Variants in PIP5K1A observed in about 807,000 individuals in gnomAD.
PIP5K1A encodes phosphatidylinositol 4-phosphate 5-kinase type-1 alpha.
In PIP5K1A, 46 loss-of-function variants were observed where a neutral mutation model predicts 72.9. The observed-to-expected ratio is 0.63, with a 90% CI of 0.50 to 0.81. The LOEUF (loss-of-function observed/expected upper bound fraction) is 0.81, where lower values mean the gene tolerates loss of function less well. Among genes scored for constraint, PIP5K1A ranks in the 30% least tolerant of loss-of-function variants. The probability of loss-of-function intolerance (pLI) is 0.00; values close to 1 mark genes in which losing one functional copy is unlikely to be tolerated. For synonymous variants in PIP5K1A, 228 were observed against 255.1 expected (o/e 0.89, Z 1.01); for missense variants, 458 against 706.1 (o/e 0.65, Z 3.98).
At chr1:151,242,600 TTATC>T in intron 14 of PIP5K1A, 33 bp downstream of exon 14, 1 of 1,586,808 alleles carries the variant, frequency 6.3e-7, no homozygotes, top group Non-Finnish European at 8.6e-7. Flanking sequence ...CCATATAATC[TTATC>T]TCTCTTTTCA....
At chr1:151,221,570 C>T (rs910277017) in intron 1 of PIP5K1A, among the ~76,000 whole-genome samples, 6 of 152,144 alleles carry the variant, frequency 3.9e-5, no homozygotes, top group Non-Finnish European at 7.4e-5. Flanking sequence ...TCTCAAGATT[C>T]TCAGACAAAA....
chr1:151,196,045 C>G (rs1684545829), upstream of PIP5K1A, among the ~76,000 whole-genome samples: 1 of 151,354 alleles, frequency 6.6e-6, no homozygotes, highest in African/African-American at 2.4e-5. Flanking sequence ...CTACAGGCGC[C>G]GGCCAACTCA....
At chr1:151,240,980 C>T (rs953170259) in intron 12 of PIP5K1A, among the ~76,000 whole-genome samples, 2 of 152,028 alleles carry the variant, frequency 1.3e-5, no homozygotes, top group East Asian at 1.9e-4. Context: ...GTCTAACCAA[C>T]GTGTTGAAAC....
intron 5 of PIP5K1A, 116 bp from the exon 6 acceptor site, chr1:151,232,132 G>C: frequency 1.4e-6 from 1 of 740,402 alleles, no homozygotes; most frequent in East Asian, 2.4e-5. Flanking sequence ...ATTATCTTAG[G>C]AGGAATGTAT....
At chr1:151,211,702 A>G (rs1405084315) in intron 1 of PIP5K1A, among the ~76,000 whole-genome samples, 1 of 150,592 alleles carries the variant, frequency 6.6e-6, no homozygotes, top group Non-Finnish European at 1.5e-5. Context: ...GCTGCTCGGG[A>G]GGCTGAGGCG....
At chr1:151,220,425 T>C (rs1570859582) in intron 1 of PIP5K1A, among the ~76,000 whole-genome samples, 1 of 152,260 alleles carries the variant, frequency 6.6e-6, no homozygotes, top group East Asian at 1.9e-4. Context: ...CAGATGCATG[T>C]GAAGTAGAGA....
chr1:151,248,154 A>C lies in PIP5K1A; in HGVS notation c.*289A>C. ...AACTGGCCAACCCTTTGCCTCCACT[A>C]TTGAATTTTTTTCAGACCCCCATTC... On this transcript the variant is annotated 3_prime_UTR_variant, in exon 16 of 16. Transcript: ENST00000368888. 1 of 456,784 alleles carries C rather than the reference A, an allele frequency of 2.2e-6. No homozygotes were observed. Among genetic ancestry groups the C allele is most frequent in the Non-Finnish European group, 3.9e-6 (1 of 254,488 alleles). 28.3% of individuals were successfully genotyped at this position (456,784 alleles called of 1,614,324 possible).
At position 151,232,534 on chromosome 1, in the gene PIP5K1A, T is replaced by G. The variant is rs764730684; in HGVS notation, c.487-17T>G. 2.5e-6 allele frequency: 4 copies of G among 1,592,384 alleles called. No individual in the cohort carries two copies. Among genetic ancestry groups the G allele is most frequent in the Non-Finnish European group, 3.4e-6 (4 of 1,171,020 alleles). On this transcript the variant is annotated splice_polypyrimidine_tract_variant and intron_variant, in intron 6 of 15. Transcript: ENST00000368888. ...CTGATGTGTCTAAATCTCTTAGTTC[T>G]TCTCTGTTTGCCCCAGTATTCCCTC...
intron 1 of PIP5K1A, among the ~76,000 whole-genome samples, chr1:151,221,196 A>G (rs1249267376): frequency 2.0e-5 from 3 of 152,220 alleles, no homozygotes; most frequent in African/African-American, 4.8e-5. Context: ...TTATACAAAC[A>G]TAAGTTGTTT....
chr1:151,246,868 TG>T, intron 14 of PIP5K1A, 51 bp from the exon 15 acceptor site: 1 of 1,357,242 alleles, frequency 7.4e-7, no homozygotes, highest in Non-Finnish European at 1.1e-6. Flanking sequence ...AGTCCTTTGT[TG>T]TTGTCTTCTA....
chr1:151,241,360 C>A (rs763088590), intron 12 of PIP5K1A, among the ~76,000 whole-genome samples: 6 of 150,950 alleles, frequency 4.0e-5, no homozygotes, highest in African/African-American at 1.5e-4. Flanking sequence ...AAAAATTAGC[C>A]GGGCATGGTG....
chr1:151,240,805 A>G (rs1261556642), intron 12 of PIP5K1A, among the ~76,000 whole-genome samples: 1 of 152,210 alleles, frequency 6.6e-6, no homozygotes, highest in Non-Finnish European at 1.5e-5. Context: ...ACAAAGTGAT[A>G]AAAATTACAA....
intron 9 of PIP5K1A, among the ~76,000 whole-genome samples, chr1:151,237,408 C>G (rs1691045413): frequency 6.6e-6 from 1 of 152,184 alleles, no homozygotes; most frequent in African/African-American, 2.4e-5. Context: ...TGCCAGTAAT[C>G]CCAACACTTT....
intron 1 of PIP5K1A, chr1:151,216,059 C>T (rs991955579): frequency 8.8e-5 from 78 of 890,552 alleles, no homozygotes; most frequent in Non-Finnish European, 1.3e-4. Context: ...AACTAGCAGC[C>T]AATTCCTCTT....
intron 1 of PIP5K1A, among the ~76,000 whole-genome samples, chr1:151,211,658 TTGTGGCGGGCGCGTG>T (rs1200223730): frequency 5.1e-5 from 7 of 137,970 alleles, no homozygotes; most frequent in Non-Finnish European, 1.1e-4. Flanking sequence ...TAGCCGGGCG[TTGTGGCGGGCGCGTG>T]TAGTCCCAGC....
At position 151,248,020 on chromosome 1, in the gene PIP5K1A, G is replaced by A. The variant is rs1692756820; in HGVS notation, c.*155G>A. 1.4e-6 allele frequency: 1 copy of A among 698,162 alleles called. No homozygotes were observed. The highest frequency in any genetic ancestry group is 2.5e-6 in the Non-Finnish European group (1 of 392,988). The allele number at this position is 698,162 out of a possible 1,614,324, so 43.2% of individuals were successfully genotyped here. Reference sequence around the variant, plus strand: ...GGAGCTGCTCCTCCATCTTCTTCCTGAAGAAGAACCTTCTCTCCTTCCTCT... The same window carrying A: ...GGAGCTGCTCCTCCATCTTCTTCCTAAAGAAGAACCTTCTCTCCTTCCTCT... On this transcript the variant is annotated 3_prime_UTR_variant, in exon 16 of 16. Coordinates refer to ENST00000368888, the MANE Select transcript of PIP5K1A (RefSeq NM_001135638.2).
chr1:151,226,106 G>A (rs1056766661), intron 3 of PIP5K1A, among the ~76,000 whole-genome samples: 3 of 98,816 alleles, frequency 3.0e-5, no homozygotes, highest in Non-Finnish European at 6.3e-5. Context: ...TTTTTTTTTT[G>A]AGACAGAGTC....
rs1468799702 is a variant in PIP5K1A, at chr1:151,234,502, T to A, written c.939+6T>A. ...CCCTGCAGCGTGACTGTTTGGTGAGTTTGTTACTTAGACATCAAAAATCTC... is the reference window on the plus strand; with the variant it reads ...CCCTGCAGCGTGACTGTTTGGTGAGATTGTTACTTAGACATCAAAAATCTC... On this transcript the variant is annotated splice_donor_region_variant and intron_variant, in intron 8 of 15. Transcript: ENST00000368888. 1.9e-6 allele frequency: 3 copies of A among 1,612,216 alleles called. No individual in the cohort carries two copies. Among genetic ancestry groups the A allele is most frequent in the Non-Finnish European group, 2.5e-6 (3 of 1,178,430 alleles).
Position 151,224,229 on chromosome 1 carries a change from T to C in PIP5K1A, c.86-16T>C. On this transcript the variant is annotated splice_polypyrimidine_tract_variant and intron_variant, in intron 1 of 15. Coordinates refer to ENST00000368888, the MANE Select transcript of PIP5K1A (RefSeq NM_001135638.2). ...TGTGTGATACACTCTTATGATTGTT[T>C]TTTTTTCCCCCCTAGCAGCATCTGG... 1 of 1,611,504 alleles carries C rather than the reference T, an allele frequency of 6.2e-7. No individual in the cohort carries two copies. Among genetic ancestry groups the C allele is most frequent in the Non-Finnish European group, 8.5e-7 (1 of 1,177,656 alleles).
Sources: gnomAD v4.1 joint callset for allele counts (sites outside exome capture counted in the v4.1 genomes callset) on GRCh38, gnomAD v4.1.1 for gene constraint, MANE v1.5 for transcripts, NCBI Gene and HGNC (gene_info 2026-07-23, HGNC 2026-07-21) for gene names.